NBAS: variants seen among roughly 807,000 people sequenced by gnomAD.
NBAS encodes the protein NBAS subunit of NRZ tethering complex.
A neutral mutation model predicts 302.5 loss-of-function variants in NBAS; 219 were observed. That is an observed-to-expected ratio of 0.72 (90% CI 0.65 to 0.81). The LOEUF (loss-of-function observed/expected upper bound fraction) is 0.81. Ranked by LOEUF, NBAS falls within the 30% of genes least tolerant of loss-of-function variation. NBAS has a pLI of 0.00. For synonymous variants in NBAS, 1,118 were observed against 1,021.6 expected, an observed-to-expected ratio of 1.09 and a Z score of -1.80; for missense variants, 2,932 against 2,841.6, an observed-to-expected ratio of 1.03 and a Z score of -0.72.
chr2:15,451,399 T>TA lies in NBAS; in HGVS notation c.2339+9801dup, dbSNP rs535216661. ...TGCCTAGAGTCCATTTTGGTGTCAATAAAAAAGACAGTTCAAATTATTTCA... is the reference window on the plus strand; with the variant it reads ...TGCCTAGAGTCCATTTTGGTGTCAATAAAAAAAGACAGTTCAAATTATTTCA... On this transcript the variant is annotated intron_variant, in intron 21 of 51. Transcript: ENST00000281513. Among the ~76,000 whole-genome samples the TA allele has an allele frequency of 7.2e-5, 11 of 152,162 alleles. 1 individual carries two copies. In the South Asian group the frequency reaches 1.5e-3, roughly 20 times the overall value.
At chr2:14,899,341 A>T in the NBAS span, among the ~76,000 whole-genome samples, 1 of 149,502 alleles carries the variant, frequency 6.7e-6, no homozygotes, top group Non-Finnish European at 1.5e-5. Flanking sequence ...TGTGTTTTGC[A>T]CACAGAACCT....
intron 12 of NBAS, among the ~76,000 whole-genome samples, chr2:15,487,870 T>C (rs1680698469): frequency 6.6e-6 from 1 of 152,132 alleles, no homozygotes; most frequent in African/African-American, 2.4e-5. Context: ...GTGGTAAACA[T>C]GTGGAGATCA....
At chr2:15,524,222 G>T (rs1267634197) in intron 9 of NBAS, among the ~76,000 whole-genome samples, 1 of 152,210 alleles carries the variant, frequency 6.6e-6, no homozygotes, top group Non-Finnish European at 1.5e-5. Context: ...CCATCATGCT[G>T]CCCTATTCGG....
chr2:15,200,533 G>A (rs534437437), intron 48 of NBAS, among the ~76,000 whole-genome samples: 24 of 152,106 alleles, frequency 1.6e-4, no homozygotes, highest in Non-Finnish European at 2.9e-4. Context: ...AATCCTGGAG[G>A]TGAAAACGTC....
chr2:14,811,786 A>G, the NBAS span, among the ~76,000 whole-genome samples: 4 of 152,342 alleles, frequency 2.6e-5, no homozygotes, highest in African/African-American at 9.6e-5. Flanking sequence ...AATGTAAATG[A>G]TGAAATGTAA....
chr2:15,233,603 T>C (rs886417379), intron 46 of NBAS, among the ~76,000 whole-genome samples: 4 of 152,228 alleles, frequency 2.6e-5, no homozygotes, highest in African/African-American at 9.6e-5. Flanking sequence ...CACTGGTTCA[T>C]ATAATCAACA....
the NBAS span, among the ~76,000 whole-genome samples, chr2:15,007,009 T>C: frequency 6.6e-6 from 1 of 152,214 alleles, no homozygotes; most frequent in Non-Finnish European, 1.5e-5. Context: ...ATTTAGTCCT[T>C]CTTTGTCATC....
chr2:14,982,309 C>T, the NBAS span, among the ~76,000 whole-genome samples: 3 of 152,134 alleles, frequency 2.0e-5, no homozygotes, highest in Non-Finnish European at 2.9e-5. Flanking sequence ...CACTAGCACA[C>T]GGCACAGAAG....
At chr2:14,911,135 T>C in the NBAS span, among the ~76,000 whole-genome samples, 6 of 152,242 alleles carry the variant, frequency 3.9e-5, no homozygotes, top group South Asian at 2.1e-4. Flanking sequence ...CTCTCAAATT[T>C]AGCTTTCAAG....
At chr2:14,859,037 A>C in the NBAS span, among the ~76,000 whole-genome samples, 1 of 152,112 alleles carries the variant, frequency 6.6e-6, no homozygotes, top group Non-Finnish European at 1.5e-5. Flanking sequence ...TATATATGCC[A>C]ACAGCAAACA....
chr2:14,985,780 C>G, the NBAS span, among the ~76,000 whole-genome samples: 16 of 152,042 alleles, frequency 1.1e-4, no homozygotes, highest in African/African-American at 3.1e-4. Context: ...ATTTCTGAAT[C>G]CTTTATACTT....
the NBAS span, among the ~76,000 whole-genome samples, chr2:15,067,093 C>A: frequency 0.017 from 2,296 of 131,310 alleles, 51 homozygotes; most frequent in African/African-American, 0.062. Context: ...GAGGCCAAGG[C>A]GGGTGGATTA....
At chr2:15,045,725 T>C in the NBAS span, among the ~76,000 whole-genome samples, 1 of 152,224 alleles carries the variant, frequency 6.6e-6, no homozygotes, top group Admixed American at 6.5e-5. Flanking sequence ...TTCAGGTATA[T>C]ACCTGGAAAT....
At chr2:14,951,920 G>A in the NBAS span, among the ~76,000 whole-genome samples, 2 of 152,124 alleles carry the variant, frequency 1.3e-5, no homozygotes, top group Admixed American at 6.5e-5. Context: ...GTCTTCCTCC[G>A]ATTTTCACAT....
rs142338045 is a variant in NBAS, at chr2:15,241,668, T to C, written c.5725-2982A>G. On this transcript the variant is annotated intron_variant, in intron 44 of 51. Transcript: ENST00000281513. Reference sequence around the variant, plus strand: ...AACAGTCAGCACAGTGCCTTGCCCATAGTAAGTGCTCAGTAAACAGATGCT... The same window carrying C: ...AACAGTCAGCACAGTGCCTTGCCCACAGTAAGTGCTCAGTAAACAGATGCT... Among the ~76,000 whole-genome samples the C allele has an allele frequency of 3.0e-4, 46 of 152,338 alleles. No individual in the cohort carries two copies. The East Asian group carries it at 3.3e-3, about 11-fold the overall frequency.
intron 35 of NBAS, among the ~76,000 whole-genome samples, chr2:15,347,885 A>G (rs1167517081): frequency 1.3e-5 from 2 of 152,214 alleles, no homozygotes; most frequent in East Asian, 1.9e-4. Context: ...GACAACAGCA[A>G]TATCTTCAAA....
chr2:15,289,848 T>C (rs1266484748), intron 41 of NBAS, among the ~76,000 whole-genome samples: 1 of 151,954 alleles, frequency 6.6e-6, no homozygotes, highest in Non-Finnish European at 1.5e-5. Context: ...ATACAAAAAA[T>C]TAGCTGGGTA....
chr2:15,249,568 T>A (rs1293835654), intron 44 of NBAS, among the ~76,000 whole-genome samples: 1 of 152,154 alleles, frequency 6.6e-6, no homozygotes, highest in Non-Finnish European at 1.5e-5. Context: ...GAAAACCCCA[T>A]CGTCTCAGCC....
At chr2:14,894,791 G>T in the NBAS span, among the ~76,000 whole-genome samples, 2 of 152,140 alleles carry the variant, frequency 1.3e-5, no homozygotes, top group Non-Finnish European at 2.9e-5. Context: ...GGGCACGGTG[G>T]CTCATGCCTG....
Sources: allele counts gnomAD v4.1 joint callset (sites outside exome capture counted in the v4.1 genomes callset), GRCh38; gene constraint gnomAD v4.1.1; transcripts MANE v1.5; gene names NCBI Gene and HGNC (gene_info 2026-07-23, HGNC 2026-07-21).